Variants in MYO5C observed in about 807,000 individuals in gnomAD.
MYO5C encodes unconventional myosin-Vc.
A neutral mutation model predicts 235.7 loss-of-function variants in MYO5C; 194 were observed. That is an observed-to-expected ratio of 0.82 (90% CI 0.73 to 0.93). The LOEUF (loss-of-function observed/expected upper bound fraction) is 0.93. Among genes scored for constraint, MYO5C ranks in the 40% least tolerant of loss-of-function variants. MYO5C has a pLI of 0.00. For synonymous variants in MYO5C, 707 were observed against 754.8 expected (o/e 0.94, Z 1.04); for missense variants, 2,038 against 2,127.2 (o/e 0.96, Z 0.82).
rs368301163 is a variant in MYO5C at position 52,229,187 on chromosome 15, G to A, written c.3153C>T (p.His1051=). Residue 1051 remains histidine, a synonymous_variant, in exon 25 of 41, where the codon CAC becomes CAT. Coordinates refer to ENST00000261839, the MANE Select transcript of MYO5C (RefSeq NM_018728.4). ...MQLQHLVEGE[H]VTSDGLKAEV... The stretch of plus-strand genomic sequence containing the variant: ...CCGCCTTCAAGCCATCAGAAGTGAC[G>A]TGCTCCCCCTCCACCAGGTGTTGGA... 2.0e-5 allele frequency: 33 copies of A among 1,614,084 alleles called. No homozygotes were observed. In the Admixed American group the frequency reaches 2.5e-4, roughly 12 times the overall value.
chr15:52,205,014 G>C lies in MYO5C; in HGVS notation c.4671C>G (p.Tyr1557Ter). 6.2e-7 allele frequency: 1 copy of C among 1,614,252 alleles called. No homozygotes were observed. The highest frequency in any genetic ancestry group is 1.6e-4 in the Middle Eastern group (1 of 6,062). The change falls in exon 38 of 41, where the codon TAC (tyrosine) becomes TAG (stop). Residue 1557 changes from tyrosine to a stop codon, truncating the protein, a stop_gained. Transcript: ENST00000261839. LOFTEE classifies it high-confidence loss of function. ...CGTTCTGGCACATGGTGGTGTAAAAGTAGCTCAGCTGTTGCAGGACGGAGG... is the reference window on the plus strand; with the variant it reads ...CGTTCTGGCACATGGTGGTGTAAAACTAGCTCAGCTGTTGCAGGACGGAGG... Reference protein sequence around the residue: ...TMTSVLQQLSYFYTTMCQNGL... With the variant: ...TMTSVLQQLS
Position 52,233,106 on chromosome 15 carries a change from C to T in MYO5C, c.2963-421G>A, listed in dbSNP as rs2036002997. On this transcript the variant is annotated intron_variant, in intron 23 of 40. Transcript: ENST00000261839. ...CATCCCGGCTAAAACGGTGAAACCC[C>T]GTCTCTACTAAAAATACAAAAAATT... Among the ~76,000 whole-genome samples the T allele has an allele frequency of 1.2e-4, 3 of 25,038 alleles. 1 individual carries two copies. In the Admixed American group the frequency reaches 1.6e-3, roughly 13 times the overall value. The allele number at this position is 25,038 out of a possible 152,430, so 16.4% of individuals were successfully genotyped here. A position where few individuals can be genotyped will look rare whatever the true frequency, so the allele number is the denominator to read the frequency against.
At chr15:52,270,572 C>T (rs1442868482) in intron 7 of MYO5C, among the ~76,000 whole-genome samples, 1 of 150,766 alleles carries the variant, frequency 6.6e-6, no homozygotes, top group Non-Finnish European at 1.5e-5. Context: ...ATGACTCTCT[C>T]TCTCTCTACA....
In MYO5C at chr15:52,204,993, C is replaced by G; in HGVS notation, c.4692G>C (p.Gln1564His). ...QLSYFYTTMC[Q>H]NGLDPELVRQ... is the part of the protein sequence containing the mutation. ...TCACAAGCTCGGGGTCCAGGCCGTT[C>G]TGGCACATGGTGGTGTAAAAGTAGC... Residue 1564 changes from glutamine to histidine, a missense_variant, in exon 38 of 41, where the codon CAG becomes CAC. Coordinates refer to ENST00000261839, the MANE Select transcript of MYO5C (RefSeq NM_018728.4). 1.9e-6 allele frequency: 3 copies of G among 1,614,244 alleles called. No individual in the cohort carries two copies. Among genetic ancestry groups the G allele is most frequent in the South Asian group, 1.1e-5 (1 of 91,084 alleles).
chr15:52,208,468 G>T, intron 36 of MYO5C, 86 bp downstream of exon 36: 1 of 1,229,006 alleles, frequency 8.1e-7, no homozygotes. Flanking sequence ...TGGTGGAGAG[G>T]ATAGAGGCTC....
intron 23 of MYO5C, among the ~76,000 whole-genome samples, 194 bp from the exon 24 acceptor site, chr15:52,232,879 C>G (rs2035997686): frequency 6.6e-6 from 1 of 152,094 alleles, no homozygotes; most frequent in Non-Finnish European, 1.5e-5. Context: ...ATAATTCTCA[C>G]AAATTTGTCA....
intron 8 of MYO5C, among the ~76,000 whole-genome samples, chr15:52,265,705 A>G (rs1428260831): frequency 6.6e-6 from 1 of 151,950 alleles, no homozygotes; most frequent in African/African-American, 2.4e-5. Flanking sequence ...CGCCCAGCTA[A>G]TTTTTTGTAG....
At chr15:52,285,493 C>T (rs1377046638) in intron 1 of MYO5C, among the ~76,000 whole-genome samples, 1 of 151,816 alleles carries the variant, frequency 6.6e-6, no homozygotes, top group African/African-American at 2.4e-5. Context: ...CCCTCCTCTC[C>T]GTCCTCTCCC....
At chr15:52,279,802 T>C (rs1293878830) in intron 2 of MYO5C, 128 bp from the exon 3 acceptor site, 7 of 864,146 alleles carry the variant, frequency 8.1e-6, no homozygotes, top group Non-Finnish European at 1.2e-5. Flanking sequence ...CAAATGTACT[T>C]ATAGCAACAA....
intron 20 of MYO5C, among the ~76,000 whole-genome samples, chr15:52,240,849 C>G (rs1042563845): frequency 6.6e-6 from 1 of 152,192 alleles, no homozygotes; most frequent in African/African-American, 2.4e-5. Context: ...GACAACTTTA[C>G]TTTTTCATCA....
At chr15:52,196,206 C>T (rs1042982473) in intron 39 of MYO5C, 103 bp downstream of exon 39, 11 of 1,158,758 alleles carry the variant, frequency 9.5e-6, no homozygotes, top group Non-Finnish European at 1.3e-5. Context: ...CGAGAGTACA[C>T]ACAGAATCAG....
In MYO5C at chr15:52,240,006, C is replaced by T. The variant is rs911968858; in HGVS notation, c.2557-127G>A. The T allele has an allele frequency of 1.4e-4, 125 of 925,080 alleles. 1 individual carries two copies. In the Middle Eastern group the frequency reaches 3.7e-3, roughly 27 times the overall value. 57.3% of individuals were successfully genotyped at this position (925,080 alleles called of 1,614,324 possible). A position where few individuals can be genotyped will look rare whatever the true frequency, so the allele number is the denominator to read the frequency against. On this transcript the variant is annotated intron_variant, in intron 20 of 40. Transcript: ENST00000261839. ...GTTTCTTCTTGTCAACCTGCACAGC[C>T]GTATTACAGCTAGACTTTTCAAACA...
At chr15:52,254,677 G>A (rs572370162) in intron 11 of MYO5C, among the ~76,000 whole-genome samples, 29 of 151,946 alleles carry the variant, frequency 1.9e-4, no homozygotes, top group African/African-American at 5.8e-4. Flanking sequence ...AGGAGGAAGT[G>A]GAAGAGGAAG....
At position 52,242,230 on chromosome 15, in the gene MYO5C, G is replaced by A. The variant is rs1219682084; in HGVS notation, c.2391-17C>T. 2 of 1,603,712 alleles carry A rather than the reference G, an allele frequency of 1.2e-6. No individual in the cohort carries two copies. Among genetic ancestry groups the A allele is most frequent in the African/African-American group, 1.3e-5 (1 of 74,852 alleles). On this transcript the variant is annotated splice_polypyrimidine_tract_variant and intron_variant, in intron 19 of 40. Coordinates refer to ENST00000261839, the MANE Select transcript of MYO5C (RefSeq NM_018728.4). ...ATAGCTTTCCTTGGTTAACAAGGAT[G>A]AAGAGTGAGTCTGTTACCCACAGAG...
intron 1 of MYO5C, among the ~76,000 whole-genome samples, chr15:52,283,186 G>A (rs1190805268): frequency 6.6e-6 from 1 of 152,154 alleles, no homozygotes; most frequent in African/African-American, 2.4e-5. Context: ...TCTCACGGCT[G>A]TCTACAGGGT....
chr15:52,290,762 G>A (rs2037371803), intron 1 of MYO5C, among the ~76,000 whole-genome samples: 1 of 152,096 alleles, frequency 6.6e-6, no homozygotes, highest in African/African-American at 2.4e-5. Context: ...TGATTGATTA[G>A]CTAAAGATGA....
At chr15:52,260,093 A>G (rs749769302) in intron 10 of MYO5C, among the ~76,000 whole-genome samples, 4 of 152,230 alleles carry the variant, frequency 2.6e-5, no homozygotes, top group Non-Finnish European at 5.9e-5. Flanking sequence ...CTGAAGGATA[A>G]CAATCTCCAC....
intron 1 of MYO5C, among the ~76,000 whole-genome samples, chr15:52,287,568 T>C (rs1374330816): frequency 6.6e-6 from 1 of 152,292 alleles, no homozygotes; most frequent in East Asian, 1.9e-4. Context: ...CCCAAAAGAA[T>C]TGTACATGAA....
At chr15:52,211,231 G>A (rs1415863953) in intron 35 of MYO5C, among the ~76,000 whole-genome samples, 1 of 152,188 alleles carries the variant, frequency 6.6e-6, no homozygotes, top group African/African-American at 2.4e-5. Context: ...TGTATATTGG[G>A]CAAAGGGAGG....
Sources: allele counts gnomAD v4.1 joint callset (sites outside exome capture counted in the v4.1 genomes callset), GRCh38; gene constraint gnomAD v4.1.1; transcripts MANE v1.5; gene names NCBI Gene and HGNC (gene_info 2026-07-23, HGNC 2026-07-21).